TDRD5: variants seen among roughly 807,000 people sequenced by gnomAD.
The protein encoded by TDRD5 is tudor domain containing 5.
In TDRD5, 41 loss-of-function variants were observed where a neutral mutation model predicts 120.6. The ratio of observed to expected loss-of-function variants is 0.34; its 90% CI spans 0.26 to 0.44. The LOEUF is 0.44. Ranked by LOEUF, TDRD5 falls within the 20% of genes least tolerant of loss-of-function variation. The pLI is 1.00. For synonymous variants in TDRD5, 430 were observed against 433.7 expected (o/e 0.99, Z 0.11); for missense variants, 1,006 against 1,221.2 (o/e 0.82, Z 2.63).
At position 179,592,632 on chromosome 1, in the gene TDRD5, G is replaced by T. The variant is rs753036044; in HGVS notation, c.17G>T (p.Arg6Leu). 1 of 1,613,940 alleles carries T rather than the reference G, an allele frequency of 6.2e-7. No homozygotes were observed. The change falls in exon 2 of 18, where the codon CGT becomes CTT. Residue 6 changes from arginine (R) to leucine (L), a missense_variant. By Grantham distance (102) the Arg-to-Leu change is moderately radical. Coordinates refer to ENST00000444136, the MANE Select transcript of TDRD5 (RefSeq NM_001199085.3). Reference protein sequence around the residue: MSEQERIQECLRKEIR... With the variant: MSEQELIQECLRKEIR... ...TAGGGCACAATGTCTGAACAAGAGC[G>T]TATACAGGAATGTCTGCGGAAGGAA...
intron 16 of TDRD5, among the ~76,000 whole-genome samples, chr1:179,665,265 C>T (rs932065682): frequency 2.0e-5 from 3 of 152,056 alleles, no homozygotes; most frequent in Non-Finnish European, 4.4e-5. Context: ...AAAATCCAAT[C>T]GATTTTTTTA....
intron 13 of TDRD5, 128 bp from the exon 14 acceptor site, chr1:179,654,073 A>G (rs1459098818): frequency 1.4e-6 from 1 of 722,498 alleles, no homozygotes; most frequent in Non-Finnish European, 2.1e-6. Context: ...GATCATGGAT[A>G]AAGCTATAAA....
intron 17 of TDRD5, among the ~76,000 whole-genome samples, chr1:179,674,766 A>G (rs1290323112): frequency 1.3e-5 from 2 of 152,110 alleles, no homozygotes; most frequent in Non-Finnish European, 2.9e-5. Context: ...GGTTTAATCT[A>G]GGACAGTTGT....
chr1:179,608,277 C>T lies in TDRD5; in HGVS notation c.832-10322C>T, dbSNP rs1219005741. ...TGTTGTACTTTTCTTTATTTTTTTT[C>T]TGCATGAGATTCATTGAGCTTCTTA... On this transcript the variant is annotated intron_variant, in intron 4 of 17. Transcript: ENST00000444136. Among the ~76,000 whole-genome samples, 4 of 151,316 alleles carry T rather than the reference C, an allele frequency of 2.6e-5. No homozygotes were observed. The East Asian group carries it at 7.8e-4, about 29-fold the overall frequency.
At chr1:179,646,666 C>T (rs1468555951) in intron 11 of TDRD5, among the ~76,000 whole-genome samples, 1 of 152,120 alleles carries the variant, frequency 6.6e-6, no homozygotes, top group Admixed American at 6.6e-5. Flanking sequence ...GTCAAATCGT[C>T]CCTGTCTGCA....
At chr1:179,638,831 A>G (rs1200439175) in intron 9 of TDRD5, among the ~76,000 whole-genome samples, 1 of 76,136 alleles carries the variant, frequency 1.3e-5, no homozygotes, top group South Asian at 4.2e-4. Flanking sequence ...CATTTTAACT[A>G]TGTACACTTT....
chr1:179,689,737 C>T (rs77468071), intron 17 of TDRD5, among the ~76,000 whole-genome samples: 1 of 152,174 alleles, frequency 6.6e-6, no homozygotes, highest in Non-Finnish European at 1.5e-5. Flanking sequence ...GTTACCTACT[C>T]AAACCTCAGC....
intron 11 of TDRD5, among the ~76,000 whole-genome samples, chr1:179,645,637 T>A (rs1450884923): frequency 6.6e-6 from 1 of 152,214 alleles, no homozygotes; most frequent in African/African-American, 2.4e-5. Context: ...TCGTTCTGAT[T>A]TTTCTGTATT....
At chr1:179,660,254 C>T (rs1233155807) in intron 14 of TDRD5, among the ~76,000 whole-genome samples, 2 of 94,490 alleles carry the variant, frequency 2.1e-5, no homozygotes, top group Non-Finnish European at 3.8e-5. Context: ...GAGTCTTGCT[C>T]TGTTGCCCAG....
chr1:179,640,402 C>T lies in TDRD5; in HGVS notation c.1757C>T (p.Ala586Val), dbSNP rs780387903. Residue 586 changes from alanine to valine, a missense_variant, in exon 11 of 18, where the codon GCT (alanine) becomes GTT (valine). Ala to Val is a moderately conservative substitution (Grantham distance 64). Coordinates refer to ENST00000444136, the MANE Select transcript of TDRD5 (RefSeq NM_001199085.3). ...AGGTGCTGCTACACAAAGCTTCCAG[C>T]TCAGGCTATCCCTTGTTCTTTGGCT... is the stretch of plus-strand genomic sequence containing the variant. Reference protein sequence around the residue: ...FLKCCYTKLPAQAIPCSLAWV... With the variant: ...FLKCCYTKLPVQAIPCSLAWV... 6.2e-6 allele frequency: 10 copies of T among 1,614,026 alleles called. No individual in the cohort carries two copies. The highest frequency in any genetic ancestry group is 8.5e-6 in the Non-Finnish European group (10 of 1,180,010).
intron 10 of TDRD5, 119 bp downstream of exon 10, chr1:179,640,170 C>G: frequency 8.6e-7 from 1 of 1,164,920 alleles, no homozygotes; most frequent in Non-Finnish European, 1.2e-6. Context: ...TTCCTTCCTT[C>G]TTCTTAGTGC....
intron 17 of TDRD5, among the ~76,000 whole-genome samples, chr1:179,688,600 A>G (rs1446440771): frequency 1.3e-5 from 2 of 152,320 alleles, no homozygotes; most frequent in South Asian, 4.1e-4. Context: ...CTGCCTTGCT[A>G]GGTTGGGGAA....
intron 5 of TDRD5, among the ~76,000 whole-genome samples, chr1:179,619,411 G>A (rs1021056195): frequency 6.6e-6 from 1 of 152,146 alleles, no homozygotes; most frequent in African/African-American, 2.4e-5. Context: ...GAGCCAAAGA[G>A]TTATGTACAC....
At chr1:179,676,157 A>T in intron 17 of TDRD5, among the ~76,000 whole-genome samples, 1 of 152,164 alleles carries the variant, frequency 6.6e-6, no homozygotes, top group Non-Finnish European at 1.5e-5. Context: ...TTTGTCTGAT[A>T]TAAGAATAGC....
rs1558399139 is a variant in TDRD5 at position 179,640,458 on chromosome 1, G to A, written c.1800+13G>A. ...GAGACCAGTAGAGGTATGTTTGCTT[G>A]TCTCCCATTTAATCAGCAAACACTT... On this transcript the variant is annotated intron_variant, in intron 11 of 17. Coordinates refer to ENST00000444136, the MANE Select transcript of TDRD5 (RefSeq NM_001199085.3). 3 of 1,613,578 alleles carry A rather than the reference G, an allele frequency of 1.9e-6. No homozygotes were observed. The highest frequency in any genetic ancestry group is 3.3e-5 in the Admixed American group (2 of 59,998).
intron 14 of TDRD5, among the ~76,000 whole-genome samples, chr1:179,659,588 TGTGC>T (rs1553332465): frequency 0.077 from 6,203 of 80,144 alleles, 144 homozygotes; most frequent in East Asian, 0.098. Context: ...TGTGTGTGTG[TGTGC>T]GCGCGCTTGC....
rs140519992 is a variant in TDRD5, at chr1:179,616,263, C to T, written c.832-2336C>T. 5.6e-4 allele frequency among the ~76,000 whole-genome samples: 85 copies of T among 152,264 alleles called. 1 individual carries two copies. The highest frequency in any genetic ancestry group is 8.3e-4 in the South Asian group (4 of 4,832). ...AACAAAAGCCTACCTCTTTGTTCCACGGTACTTTTGTTTCCTACATAGAAC... is the reference window on the plus strand; with the variant it reads ...AACAAAAGCCTACCTCTTTGTTCCATGGTACTTTTGTTTCCTACATAGAAC... On this transcript the variant is annotated intron_variant, in intron 4 of 17. Transcript: ENST00000444136.
Position 179,639,877 on chromosome 1 carries a change from T to C in TDRD5, c.1559T>C (p.Val520Ala). Residue 520 changes from valine (V) to alanine (A), a missense_variant, in exon 10 of 18, where the codon GTC becomes GCC. Transcript: ENST00000444136. ...YSNQLVSDRY[V>A]MPECFIQPGH... Reference sequence around the variant, plus strand: ...AATCAGCTGGTTTCTGATCGATATGTCATGCCAGAATGTTTTATTCAGCCG... The same window carrying C: ...AATCAGCTGGTTTCTGATCGATATGCCATGCCAGAATGTTTTATTCAGCCG... 1.2e-6 allele frequency: 2 copies of C among 1,614,150 alleles called. No homozygotes were observed. Among genetic ancestry groups the C allele is most frequent in the African/African-American group, 2.7e-5 (2 of 75,058 alleles).
At chr1:179,623,349 T>C (rs887276557) in intron 6 of TDRD5, among the ~76,000 whole-genome samples, 14 of 152,292 alleles carry the variant, frequency 9.2e-5, no homozygotes, top group South Asian at 4.1e-4. Context: ...AGTTAAAATA[T>C]ATGACTGTTT....
Sources: gnomAD v4.1 joint callset for allele counts (sites outside exome capture counted in the v4.1 genomes callset) on GRCh38, gnomAD v4.1.1 for gene constraint, MANE v1.5 for transcripts, NCBI Gene and HGNC (gene_info 2026-07-23, HGNC 2026-07-21) for gene names.